LAMA2: variants seen among roughly 807,000 people sequenced by gnomAD.
LAMA2 encodes the protein laminin subunit alpha 2, also known as laminin subunit alpha-2.
Under a neutral mutation model 364.8 loss-of-function variants are expected in LAMA2, and 269 were observed. That is an observed-to-expected ratio of 0.74 (90% CI 0.67 to 0.82). The LOEUF is 0.82. Among genes scored for constraint, LAMA2 ranks in the 40% least tolerant of loss-of-function variants. LAMA2 has a pLI of 0.00. For synonymous variants in LAMA2, 1,379 were observed against 1,370.6 expected (o/e 1.01, Z -0.14); for missense variants, 3,807 against 3,873.2 (o/e 0.98, Z 0.45).
chr6:129,219,665 A>G (rs1783671706), intron 12 of LAMA2, among the ~76,000 whole-genome samples: 5 of 144,844 alleles, frequency 3.5e-5, no homozygotes, highest in African/African-American at 7.6e-5. Context: ...TGATGAGTTC[A>G]TGTCCTTTGT....
At chr6:129,491,862 G>T (rs1487378132) in intron 56 of LAMA2, 39 bp from the exon 57 acceptor site, 1 of 1,464,764 alleles carries the variant, frequency 6.8e-7, no homozygotes, top group African/African-American at 1.4e-5. Context: ...TATTGAATCA[G>T]ATGTGACTTA....
At chr6:129,218,235 A>G (rs983489568) in intron 12 of LAMA2, among the ~76,000 whole-genome samples, 4 of 152,178 alleles carry the variant, frequency 2.6e-5, no homozygotes, top group Non-Finnish European at 5.9e-5. Flanking sequence ...ATTCATTTGT[A>G]CAATATTTTT....
rs1287385373 is a variant in LAMA2, at chr6:129,004,241, TG to T, written c.113-45673del. ...ACACAGGAAGGGGAATATCACACTC[TG>T]GGGACTGTGGTGGGGTCGGGGGAGG... is the stretch of plus-strand genomic sequence containing the variant. On this transcript the variant is annotated intron_variant, in intron 1 of 64. Transcript: ENST00000421865. Among the ~76,000 whole-genome samples the T allele has an allele frequency of 1.9e-3, 89 of 46,236 alleles. 8 individuals carry two copies. Among genetic ancestry groups the T allele is most frequent in the Non-Finnish European group, 3.1e-3 (83 of 26,724 alleles). 30.3% of individuals were successfully genotyped at this position (46,236 alleles called of 152,430 possible).
chr6:129,183,246 T>C (rs1781035513), intron 10 of LAMA2, among the ~76,000 whole-genome samples: 1 of 151,988 alleles, frequency 6.6e-6, no homozygotes, highest in African/African-American at 2.4e-5. Context: ...AAGTACCATA[T>C]GCTAGAAATT....
chr6:129,377,085 A>G (rs553547639), intron 34 of LAMA2, among the ~76,000 whole-genome samples: 5 of 152,312 alleles, frequency 3.3e-5, no homozygotes, highest in African/African-American at 1.2e-4. Flanking sequence ...GCATATATTT[A>G]TAATTATATT....
intron 3 of LAMA2, among the ~76,000 whole-genome samples, chr6:129,073,748 A>C (rs1773462889): frequency 6.6e-6 from 1 of 152,142 alleles, no homozygotes; most frequent in South Asian, 2.1e-4. Flanking sequence ...TTAGACTCCA[A>C]ATATCTCTCC....
intron 1 of LAMA2, among the ~76,000 whole-genome samples, chr6:128,898,072 G>A (rs1172951237): frequency 1.3e-5 from 2 of 152,144 alleles, no homozygotes; most frequent in Non-Finnish European, 2.9e-5. Context: ...GGATTAAATG[G>A]AATTAAGTAT....
chr6:129,160,794 C>A (rs922072543), intron 8 of LAMA2, among the ~76,000 whole-genome samples: 9 of 151,562 alleles, frequency 5.9e-5, no homozygotes, highest in Non-Finnish European at 1.3e-4. Context: ...CTTCTAATTT[C>A]TCTTGTGATT....
chr6:129,398,785 A>G (rs1583658229), intron 37 of LAMA2, among the ~76,000 whole-genome samples: 2 of 151,978 alleles, frequency 1.3e-5, no homozygotes, highest in South Asian at 2.1e-4. Context: ...ATTTTTATTT[A>G]TTTATTAAAA....
chr6:129,109,876 A>T (rs1272387171), intron 4 of LAMA2, among the ~76,000 whole-genome samples: 1 of 152,064 alleles, frequency 6.6e-6, no homozygotes, highest in African/African-American at 2.4e-5. Context: ...GACATCATTG[A>T]TCCCATTGTC....
chr6:128,883,421 A>T, intron 1 of LAMA2, 64 bp downstream of exon 1: 1 of 1,543,318 alleles, frequency 6.5e-7, no homozygotes, highest in South Asian at 1.2e-5. Flanking sequence ...CACTTCTTCC[A>T]CTCTTCCGAG....
intron 3 of LAMA2, among the ~76,000 whole-genome samples, chr6:129,062,661 T>G (rs532964344): frequency 3.3e-5 from 5 of 152,298 alleles, no homozygotes; most frequent in African/African-American, 1.2e-4. Context: ...TAAGATGAGC[T>G]ATTATCCAAC....
intron 4 of LAMA2, among the ~76,000 whole-genome samples, chr6:129,118,657 T>G (rs1183689662): frequency 6.6e-6 from 1 of 152,202 alleles, no homozygotes; most frequent in Non-Finnish European, 1.5e-5. Flanking sequence ...CTGATATAAA[T>G]CTCTTCCCAA....
chr6:129,224,116 A>G (rs186774847), intron 12 of LAMA2, among the ~76,000 whole-genome samples: 1,922 of 152,166 alleles, frequency 0.013, 32 homozygotes, highest in African/African-American at 0.037. Context: ...AATTGTGAAT[A>G]GGAGTTCACT....
In LAMA2 at chr6:129,267,149, G is replaced by T. The variant is rs750316600; in HGVS notation, c.2252G>T (p.Gly751Val). 9 of 1,613,266 alleles carry T rather than the reference G, an allele frequency of 5.6e-6. No individual in the cohort carries two copies. The highest frequency in any genetic ancestry group is 3.3e-5 in the South Asian group (3 of 91,074). ...RHRRVNGTIF[G>V]GICEPCQCFG... The stretch of plus-strand genomic sequence containing the variant: ...AGGCGAGTTAACGGCACTATTTTTG[G>T]TGGCATCTGTGAGCCATGTCAGTGC... Residue 751 changes from glycine (G) to valine (V), a missense_variant, in exon 16 of 65, where the codon GGT (glycine) becomes GTT (valine). Physicochemically the swap from Gly to Val is moderately radical, Grantham distance 109. Around this residue, in one of 3 missense-constraint regions of LAMA2, gnomAD observed 3,333 missense variants for 3,345.7 expected, o/e 1.00. Coordinates refer to ENST00000421865, the MANE Select transcript of LAMA2 (RefSeq NM_000426.4).
chr6:129,424,811 C>T lies in LAMA2; in HGVS notation c.5866-2941C>T, dbSNP rs190407745. On this transcript the variant is annotated intron_variant, in intron 40 of 64. Coordinates refer to ENST00000421865, the MANE Select transcript of LAMA2 (RefSeq NM_000426.4). ...AAACAGGTTGATAATTTCTTAAAAA[C>T]GTAAACATAAATTACCATATGATCC... Among the ~76,000 whole-genome samples the T allele has an allele frequency of 2.9e-3, 448 of 152,086 alleles. 3 individuals carry two copies. The highest frequency in any genetic ancestry group is 9.9e-3 in the African/African-American group (410 of 41,460).
At chr6:129,324,905 G>C (rs1022291394) in intron 28 of LAMA2, among the ~76,000 whole-genome samples, 1 of 152,148 alleles carries the variant, frequency 6.6e-6, no homozygotes, top group Non-Finnish European at 1.5e-5. Flanking sequence ...GGAAACCAAG[G>C]CACACAGTAT....
Position 129,475,534 on chromosome 6 carries a change from C to T in LAMA2, c.7451+133C>T, listed in dbSNP as rs900297913. On this transcript the variant is annotated intron_variant, in intron 53 of 64. Coordinates refer to ENST00000421865, the MANE Select transcript of LAMA2 (RefSeq NM_000426.4). ...TTCATAGTATGTTTCACGAGCAAGC[C>T]GTGCATTCTGTGAGAGTTCTCCTGC... 19 of 637,798 alleles carry T rather than the reference C, an allele frequency of 3.0e-5. 1 individual carries two copies. Among genetic ancestry groups the T allele is most frequent in the South Asian group, 6.4e-5 (3 of 47,188 alleles). The allele number at this position is 637,798 out of a possible 1,614,324, so 39.5% of individuals were successfully genotyped here.
chr6:128,952,374 C>T (rs1275280415), intron 1 of LAMA2, among the ~76,000 whole-genome samples: 2 of 151,932 alleles, frequency 1.3e-5, no homozygotes, highest in South Asian at 2.1e-4. Context: ...TAATTCCATA[C>T]GTTATCAACA....
Sources: gnomAD v4.1 joint callset for allele counts (sites outside exome capture counted in the v4.1 genomes callset) on GRCh38, gnomAD v4.1.1 for gene constraint, gnomAD v4.1.1 regional missense constraint, MANE v1.5 for transcripts, NCBI Gene and HGNC (gene_info 2026-07-23, HGNC 2026-07-21) for gene names.